FAF1: variants seen among roughly 807,000 people sequenced by gnomAD.
The protein encoded by FAF1 is Fas associated factor 1, also known as FAS-associated factor 1.
FAF1 carries 25 observed loss-of-function variants against 92.5 expected under a neutral mutation model. The ratio of observed to expected loss-of-function variants is 0.27; its 90% CI spans 0.20 to 0.38. The LOEUF is 0.38. Ranked by LOEUF, FAF1 falls within the 10% of genes least tolerant of loss-of-function variation. The pLI is 1.00. For missense variants in FAF1, 636 were observed against 793.3 expected (o/e 0.80, Z 2.38); for synonymous variants, 234 against 273.2 (o/e 0.86, Z 1.42).
intron 13 of FAF1, among the ~76,000 whole-genome samples, chr1:50,540,127 C>T (rs547889492): frequency 1.6e-4 from 24 of 152,006 alleles, no homozygotes; most frequent in South Asian, 4.1e-4. Context: ...CCCGCCACCA[C>T]ACCTGGCTAA....
chr1:50,472,424 A>ACACACACAC (rs1553216761), intron 18 of FAF1, among the ~76,000 whole-genome samples: 31 of 96,146 alleles, frequency 3.2e-4, no homozygotes, highest in African/African-American at 7.9e-4. Context: ...CACACACACA[A>ACACACACAC]ACCCCAAAAC....
chr1:50,747,562 C>A (rs933830549), intron 4 of FAF1, among the ~76,000 whole-genome samples: 28 of 152,200 alleles, frequency 1.8e-4, no homozygotes, highest in Admixed American at 4.6e-4. Context: ...GTAAAAGGGA[C>A]CAGCCTTGTC....
chr1:50,754,938 G>C (rs1162129271), intron 4 of FAF1, among the ~76,000 whole-genome samples: 1 of 152,050 alleles, frequency 6.6e-6, no homozygotes, highest in East Asian at 1.9e-4. Flanking sequence ...GCATGGGAAA[G>C]ACCCACCCCC....
At chr1:50,744,062 C>CT (rs1216658736) in intron 5 of FAF1, among the ~76,000 whole-genome samples, 1 of 151,536 alleles carries the variant, frequency 6.6e-6, no homozygotes. Context: ...CAGAGCGAGA[C>CT]TGTCTCAAAA....
intron 15 of FAF1, among the ~76,000 whole-genome samples, chr1:50,532,398 A>G (rs1572813364): frequency 6.6e-6 from 1 of 152,224 alleles, no homozygotes; most frequent in African/African-American, 2.4e-5. Flanking sequence ...CTTATACAGC[A>G]TAATCTGTAA....
intron 8 of FAF1, among the ~76,000 whole-genome samples, chr1:50,636,385 T>C (rs2124224777): frequency 7.1e-6 from 1 of 140,650 alleles, no homozygotes; most frequent in Non-Finnish European, 1.5e-5. Flanking sequence ...TGTCCTTTTT[T>C]TTTTTTTTTT....
intron 15 of FAF1, among the ~76,000 whole-genome samples, chr1:50,532,380 T>A (rs1396811716): frequency 6.6e-6 from 1 of 152,176 alleles, no homozygotes; most frequent in East Asian, 1.9e-4. Context: ...ATATTGTGTA[T>A]TCATATTCTT....
intron 1 of FAF1, among the ~76,000 whole-genome samples, chr1:50,867,816 A>C (rs1644494881): frequency 6.6e-6 from 1 of 152,172 alleles, no homozygotes; most frequent in East Asian, 1.9e-4. Flanking sequence ...TTATCCAGCA[A>C]TCCCATTCCT....
intron 15 of FAF1, among the ~76,000 whole-genome samples, chr1:50,495,474 T>G (rs1646887372): frequency 6.6e-6 from 1 of 152,226 alleles, no homozygotes; most frequent in African/African-American, 2.4e-5. Context: ...AGTACTCTTG[T>G]GTACATGTAC....
At chr1:50,532,700 C>T (rs1199901703) in intron 15 of FAF1, among the ~76,000 whole-genome samples, 1 of 152,036 alleles carries the variant, frequency 6.6e-6, no homozygotes, top group African/African-American at 2.4e-5. Context: ...ATAGAAGATA[C>T]CTAGTGAGCA....
At chr1:50,651,630 CTAAGTAT>C (rs1432673339) in intron 8 of FAF1, among the ~76,000 whole-genome samples, 4 of 152,174 alleles carry the variant, frequency 2.6e-5, no homozygotes, top group Non-Finnish European at 5.9e-5. Flanking sequence ...TTAAACCATT[CTAAGTAT>C]TAAGTTATGG....
intron 1 of FAF1, among the ~76,000 whole-genome samples, chr1:50,887,937 G>A (rs754355291): frequency 1.3e-5 from 2 of 152,118 alleles, no homozygotes; most frequent in Non-Finnish European, 2.9e-5. Flanking sequence ...AGCTTGATGG[G>A]GATGGCATTG....
At chr1:50,801,700 GC>G in intron 2 of FAF1, 23 bp from the exon 3 acceptor site, 1 of 1,506,328 alleles carries the variant, frequency 6.6e-7, no homozygotes, top group African/African-American at 1.4e-5. Flanking sequence ...AACAGAGAAG[GC>G]CATTTAAAGA....
At chr1:50,647,062 T>C (rs566374070) in intron 8 of FAF1, among the ~76,000 whole-genome samples, 45 of 152,238 alleles carry the variant, frequency 3.0e-4, no homozygotes, top group African/African-American at 1.0e-3. Flanking sequence ...TTGGCCAGGC[T>C]GGTCTCAAAC....
chr1:50,556,882 T>A (rs986867900), intron 13 of FAF1, among the ~76,000 whole-genome samples: 2 of 150,972 alleles, frequency 1.3e-5, no homozygotes, highest in Non-Finnish European at 2.9e-5. Context: ...ATAAAATAAA[T>A]AAAATAAAAT....
intron 7 of FAF1, among the ~76,000 whole-genome samples, chr1:50,656,038 A>G (rs1185057591): frequency 2.0e-5 from 3 of 151,256 alleles, no homozygotes; most frequent in African/African-American, 7.3e-5. Flanking sequence ...ACTTATTATT[A>G]AAGTAGCACA....
At chr1:50,920,308 A>C (rs1644952625) in intron 1 of FAF1, among the ~76,000 whole-genome samples, 1 of 152,048 alleles carries the variant, frequency 6.6e-6, no homozygotes, top group Admixed American at 6.5e-5. Flanking sequence ...TCTCAAAAAA[A>C]AAAAAAAAAG....
intron 2 of FAF1, among the ~76,000 whole-genome samples, chr1:50,857,522 A>C (rs1276861454): frequency 6.6e-6 from 1 of 151,798 alleles, no homozygotes; most frequent in African/African-American, 2.4e-5. Context: ...TCTAAGGAAA[A>C]CCATAGCAGA....
chr1:50,785,132 CAAAAAAAAA>C (rs748061344), intron 4 of FAF1, among the ~76,000 whole-genome samples: 1 of 59,130 alleles, frequency 1.7e-5, no homozygotes, highest in African/African-American at 6.4e-5. Flanking sequence ...GACCCTATCT[CAAAAAAAAA>C]AAAAAAAAAA....
Sources: allele counts gnomAD v4.1 joint callset (sites outside exome capture counted in the v4.1 genomes callset), GRCh38; gene constraint gnomAD v4.1.1; transcripts MANE v1.5; gene names NCBI Gene and HGNC (gene_info 2026-07-23, HGNC 2026-07-21).